The following HERC4 variants were observed in gnomAD, a reference collection of about 807,000 sequenced individuals.
HERC4 encodes the protein HECT and RLD domain containing E3 ubiquitin protein ligase 4.
Under a neutral mutation model 124.3 loss-of-function variants are expected in HERC4, and 28 were observed. The ratio of observed to expected loss-of-function variants is 0.23; its 90% confidence interval spans 0.17 to 0.31. The LOEUF (loss-of-function observed/expected upper bound fraction) is 0.31, where lower values mean the gene tolerates loss of function less well. Among genes scored for constraint, HERC4 ranks in the 10% least tolerant of loss-of-function variants. The probability of loss-of-function intolerance (pLI) is 1.00; values close to 1 mark genes in which losing one functional copy is unlikely to be tolerated. For missense variants in HERC4, 713 were observed against 1,229.3 expected (o/e 0.58, Z 6.28); for synonymous variants, 407 against 421.5 (o/e 0.97, Z 0.42).
chr10:67,998,888 C>T (rs1165226565), intron 9 of HERC4, among the ~76,000 whole-genome samples: 4 of 152,020 alleles, frequency 2.6e-5, no homozygotes, highest in African/African-American at 4.8e-5. Flanking sequence ...TACAGGTGTG[C>T]ACCACCATGC....
chr10:68,000,104 C>T (rs747268435), intron 9 of HERC4, among the ~76,000 whole-genome samples: 8 of 152,078 alleles, frequency 5.3e-5, no homozygotes, highest in East Asian at 3.9e-4. Context: ...GCAATCCTCC[C>T]GCCTCAACCT....
intron 3 of HERC4, among the ~76,000 whole-genome samples, chr10:68,072,213 A>G (rs180988745): frequency 1.8e-3 from 278 of 152,286 alleles, no homozygotes; most frequent in African/African-American, 6.3e-3. Context: ...TTTAAAATAC[A>G]ATATCCAGGA....
At position 68,072,898 on chromosome 10, in the gene HERC4, AT is replaced by A; in HGVS notation, c.210del (p.Lys70AsnfsTer18). 1 of 1,561,902 alleles carries A rather than the reference AT, an allele frequency of 6.4e-7. No homozygotes were observed. The highest frequency in any genetic ancestry group is 8.6e-7 in the Non-Finnish European group (1 of 1,156,784). On this transcript the variant is annotated frameshift_variant, in exon 3 of 25. Transcript: ENST00000373700. LOFTEE classifies it high-confidence loss of function. ...TTCAACTTACCTGGTTTCTTTCTGG[AT>A]TTTTCATGACCTAGCTGTCCTAGAT... is the stretch of plus-strand genomic sequence containing the variant. ...CNDLGQLGHE[K>X]SRKKPEQVVA... is the part of the protein sequence containing the mutation.
intron 3 of HERC4, among the ~76,000 whole-genome samples, chr10:68,046,991 AC>A (rs72449735): frequency 0.091 from 13,867 of 152,078 alleles, 1,014 homozygotes; most frequent in East Asian, 0.4. Flanking sequence ...ACAAAAAAAA[AC>A]ATGAAGAATT....
intron 3 of HERC4, among the ~76,000 whole-genome samples, chr10:68,061,775 A>C (rs1274328728): frequency 6.8e-6 from 1 of 147,700 alleles, no homozygotes; most frequent in African/African-American, 2.5e-5. Context: ...CAGCTACTTG[A>C]AAGGCTGAAG....
At chr10:68,062,281 T>C (rs1405700986) in intron 3 of HERC4, among the ~76,000 whole-genome samples, 1 of 152,214 alleles carries the variant, frequency 6.6e-6, no homozygotes, top group Non-Finnish European at 1.5e-5. Context: ...TTTCTCTTCT[T>C]CCTGGATTCC....
intron 21 of HERC4, among the ~76,000 whole-genome samples, chr10:67,939,250 A>G (rs1269003529): frequency 6.6e-6 from 1 of 152,212 alleles, no homozygotes; most frequent in Non-Finnish European, 1.5e-5. Flanking sequence ...ACACTTGGGT[A>G]AAGAGGATGT....
At chr10:68,054,353 T>TC (rs1180745525) in intron 3 of HERC4, among the ~76,000 whole-genome samples, 1 of 151,422 alleles carries the variant, frequency 6.6e-6, no homozygotes, top group African/African-American at 2.4e-5. Context: ...TTTAATGATT[T>TC]TTTTTTTTTT....
At chr10:67,931,276 A>G (rs2031777304) in intron 23 of HERC4, among the ~76,000 whole-genome samples, 1 of 151,836 alleles carries the variant, frequency 6.6e-6, no homozygotes, top group African/African-American at 2.4e-5. Flanking sequence ...GAGCCACCAC[A>G]CAGGGCCAGC....
chr10:68,006,581 T>C (rs1051108087), intron 9 of HERC4, among the ~76,000 whole-genome samples: 1 of 152,082 alleles, frequency 6.6e-6, no homozygotes, highest in Non-Finnish European at 1.5e-5. Context: ...TTTTGCCACG[T>C]TGGCCAGGCT....
intron 3 of HERC4, chr10:68,069,627 C>A (rs2133855615): frequency 1.0e-6 from 1 of 985,094 alleles, no homozygotes; most frequent in South Asian, 4.7e-5. Context: ...CTTAATAAGG[C>A]TACCTCTTTC....
intron 19 of HERC4, among the ~76,000 whole-genome samples, chr10:67,945,263 A>G (rs553306682): frequency 2.5e-4 from 38 of 152,346 alleles, no homozygotes; most frequent in South Asian, 4.1e-4. Flanking sequence ...AGACTTTTCA[A>G]TGGAAACCTT....
At position 68,040,080 on chromosome 10, in the gene HERC4, A is replaced by G. The variant is rs16925037; in HGVS notation, c.387-1911T>C. The G allele has an allele frequency of 9.3e-3, 7,861 of 842,944 alleles. 687 individuals carry two copies. In the East Asian group the frequency reaches 0.31, roughly 34 times the overall value. 52.2% of individuals were successfully genotyped at this position (842,944 alleles called of 1,614,324 possible). ...CTGGCACCTACTATAGTGCCTAATT[A>G]ATAGTACGTAATGAATATACTGTTA... On this transcript the variant is annotated intron_variant, in intron 4 of 24. Coordinates refer to ENST00000373700, the MANE Select transcript of HERC4 (RefSeq NM_015601.4).
At position 68,051,992 on chromosome 10, in the gene HERC4, C is replaced by T. The variant is rs1277606881; in HGVS notation, c.227-7429G>A. ...CCTCAACTTTTCTTTATGCTTCAAA[C>T]TGTTCATATAAAAAGGGTGAAAAAA... On this transcript the variant is annotated intron_variant, in intron 3 of 24. Coordinates refer to ENST00000373700, the MANE Select transcript of HERC4 (RefSeq NM_015601.4). Among the ~76,000 whole-genome samples the T allele has an allele frequency of 2.0e-5, 3 of 151,834 alleles. No individual in the cohort carries two copies. The South Asian group carries it at 6.2e-4, about 32-fold the overall frequency.
chr10:67,973,195 A>G (rs1046769318), intron 15 of HERC4, among the ~76,000 whole-genome samples: 2 of 150,384 alleles, frequency 1.3e-5, no homozygotes, highest in Non-Finnish European at 3.0e-5. Flanking sequence ...AGTGAATGGA[A>G]AACATTTAAA....
chr10:68,024,879 T>C (rs2038819745), intron 8 of HERC4, among the ~76,000 whole-genome samples: 1 of 152,168 alleles, frequency 6.6e-6, no homozygotes, highest in Non-Finnish European at 1.5e-5. Context: ...TGAAGCTCAA[T>C]GTCAAAGACT....
rs750739345 is a variant in HERC4, at chr10:68,073,057, C to T, written c.52G>A (p.Asp18Asn). The change falls in exon 3 of 25, where the codon GAT (aspartate) becomes AAT (asparagine). Residue 18 changes from aspartate to asparagine, a missense_variant. Physicochemically the swap from Asp to Asn is conservative, Grantham distance 23. Transcript: ENST00000373700. ...SFGQLGLGGI[D>N]EEIVLEPRKS... ...CTGGGCTCTAGTACAATTTCTTCAT[C>T]AATTCCACCCAAACCTAGCTGCCCA... 4 of 1,613,974 alleles carry T rather than the reference C, an allele frequency of 2.5e-6. No homozygotes were observed. The highest frequency in any genetic ancestry group is 3.4e-6 in the Non-Finnish European group (4 of 1,179,936).
intron 9 of HERC4, among the ~76,000 whole-genome samples, chr10:68,004,558 T>C (rs2037425333): frequency 6.6e-6 from 1 of 152,216 alleles, no homozygotes; most frequent in Non-Finnish European, 1.5e-5. Context: ...TACATGCTTT[T>C]TGTATACAGT....
At chr10:68,036,690 C>T (rs2039490804) in intron 5 of HERC4, among the ~76,000 whole-genome samples, 1 of 152,166 alleles carries the variant, frequency 6.6e-6, no homozygotes, top group Non-Finnish European at 1.5e-5. Context: ...TAACTCTATG[C>T]CTTTACACCA....
Sources: gnomAD v4.1 joint callset for allele counts (sites outside exome capture counted in the v4.1 genomes callset) on GRCh38, gnomAD v4.1.1 for gene constraint, MANE v1.5 for transcripts, NCBI Gene and HGNC (gene_info 2026-07-23, HGNC 2026-07-21) for gene names.